SLC5A7: variants seen among roughly 807,000 people sequenced by gnomAD.
SLC5A7 encodes solute carrier family 5 member 7.
SLC5A7 carries 19 observed loss-of-function variants against 55.4 expected under a neutral mutation model. That is an observed-to-expected ratio of 0.34 (90% CI 0.24 to 0.50). SLC5A7 has a LOEUF of 0.50. Among genes scored for constraint, SLC5A7 ranks in the 20% least tolerant of loss-of-function variants. The pLI, the probability that SLC5A7 is intolerant of heterozygous loss-of-function variation, is 0.98. For missense variants in SLC5A7, 506 were observed against 705.3 expected (o/e 0.72, Z 3.20); for synonymous variants, 265 against 263.7 (o/e 1.00, Z -0.05).
chr2:107,989,070 G>A lies in SLC5A7; in HGVS notation c.178+737G>A, dbSNP rs539156167. Among the ~76,000 whole-genome samples, 13 of 152,316 alleles carry A rather than the reference G, an allele frequency of 8.5e-5. No homozygotes were observed. The South Asian group carries it at 2.3e-3, about 27-fold the overall frequency. ...ATATTCTTTCTTACTTTGCACTAAA[G>A]TGGTTCTGTTTAAAGGGTGATTTGT... is the stretch of plus-strand genomic sequence containing the variant. On this transcript the variant is annotated intron_variant, in intron 2 of 8. Coordinates refer to ENST00000264047, the MANE Select transcript of SLC5A7 (RefSeq NM_021815.5).
chr2:108,002,063 G>GA, intron 6 of SLC5A7, 23 bp downstream of exon 6: 1 of 1,591,064 alleles, frequency 6.3e-7, no homozygotes, highest in Non-Finnish European at 8.6e-7. Context: ...CTTACCTGAA[G>GA]AATGTGATTT....
Position 107,993,014 on chromosome 2 carries a change from T to A in SLC5A7, c.335T>A (p.Val112Glu). 6.2e-7 allele frequency: 1 copy of A among 1,614,260 alleles called. No homozygotes were observed. Among genetic ancestry groups the A allele is most frequent in the Non-Finnish European group, 8.5e-7 (1 of 1,180,040 alleles). The change falls in exon 4 of 9, where the codon GTG (valine) becomes GAG (glutamate). Residue 112 changes from valine (V) to glutamate (E), a missense_variant. Val to Glu is a moderately radical substitution (Grantham distance 121). Around this residue, in one of 4 missense-constraint regions of SLC5A7, gnomAD observed 309 missense variants for 478.6 expected, o/e 0.65. Transcript: ENST00000264047. Reference sequence around the variant, plus strand: ...AAACCTATGCGTTCAAAGGGGTATGTGACCATGTTAGACCCGTTTCAGCAA... The same window carrying A: ...AAACCTATGCGTTCAAAGGGGTATGAGACCATGTTAGACCCGTTTCAGCAA... ...FAKPMRSKGY[V>E]TMLDPFQQIY...
chr2:107,993,210 C>T (rs1677524309), intron 4 of SLC5A7, 83 bp downstream of exon 4: 2 of 1,444,642 alleles, frequency 1.4e-6, no homozygotes, highest in Admixed American at 2.1e-5. Flanking sequence ...TCAGCCTTGG[C>T]TTCTGAGGAC....
chr2:107,996,874 G>A (rs1343021529), intron 4 of SLC5A7, among the ~76,000 whole-genome samples: 4 of 152,306 alleles, frequency 2.6e-5, no homozygotes, highest in South Asian at 2.1e-4. Context: ...CTAGGAGCAG[G>A]ACTGGTATGT....
chr2:107,988,189 A>G lies in SLC5A7; in HGVS notation c.34A>G (p.Ile12Val), dbSNP rs764663527. 7 of 1,614,044 alleles carry G rather than the reference A, an allele frequency of 4.3e-6. No individual in the cohort carries two copies. The East Asian group carries it at 8.9e-5, about 21-fold the overall frequency. The change falls in exon 2 of 9, where the codon ATC becomes GTC. Residue 12 changes from isoleucine to valine, a missense_variant. Physicochemically the swap from Ile to Val is conservative, Grantham distance 29. Transcript: ENST00000264047. ...CCATGTGGAAGGACTGATAGCTATC[A>G]TCGTGTTCTACCTTCTAATTTTGCT... The part of the protein sequence containing the change: ...AFHVEGLIAI[I>V]VFYLLILLVG...
chr2:107,995,718 G>T (rs1414878373), intron 4 of SLC5A7, among the ~76,000 whole-genome samples: 1 of 152,072 alleles, frequency 6.6e-6, no homozygotes, highest in Non-Finnish European at 1.5e-5. Context: ...CCACCTTTCT[G>T]TGAATGTGTA....
chr2:107,989,193 A>G (rs775341781), intron 2 of SLC5A7, among the ~76,000 whole-genome samples: 3 of 152,252 alleles, frequency 2.0e-5, no homozygotes, highest in African/African-American at 4.8e-5. Context: ...CTAACAACAC[A>G]TATTTCATTA....
intron 5 of SLC5A7, among the ~76,000 whole-genome samples, chr2:107,998,213 T>C (rs998019561): frequency 6.6e-6 from 1 of 152,202 alleles, no homozygotes; most frequent in African/African-American, 2.4e-5. Flanking sequence ...GTTAGAAAGG[T>C]CTAGGTCTTG....
chr2:108,011,204 G>A lies in SLC5A7; in HGVS notation c.*343G>A. 5.7e-6 allele frequency: 1 copy of A among 174,932 alleles called. No individual in the cohort carries two copies. The highest frequency in any genetic ancestry group is 1.2e-5 in the Non-Finnish European group (1 of 83,688). The allele number at this position is 174,932 out of a possible 1,614,324, so 10.8% of individuals were successfully genotyped here. A position where few individuals can be genotyped will look rare whatever the true frequency, so the allele number is the denominator to read the frequency against. On this transcript the variant is annotated 3_prime_UTR_variant, in exon 9 of 9. Transcript: ENST00000264047. The stretch of plus-strand genomic sequence containing the variant: ...TAGATGTGAAAAAGCCTAAGAAAAA[G>A]GAAATTGGACAGTTTTGATACAAAC...
chr2:107,989,073 G>A (rs1284571442), intron 2 of SLC5A7, among the ~76,000 whole-genome samples: 2 of 152,176 alleles, frequency 1.3e-5, no homozygotes, highest in East Asian at 3.8e-4. Context: ...CACTAAAGTG[G>A]TTCTGTTTAA....
intron 2 of SLC5A7, among the ~76,000 whole-genome samples, chr2:107,990,143 G>C (rs2104336417): frequency 6.6e-6 from 1 of 152,264 alleles, no homozygotes; most frequent in Non-Finnish European, 1.5e-5. Flanking sequence ...TATATTTTAA[G>C]AGGTTGTGTT....
chr2:108,002,187 C>A, intron 6 of SLC5A7, 147 bp downstream of exon 6: 1 of 951,766 alleles, frequency 1.1e-6, no homozygotes, highest in Non-Finnish European at 1.5e-6. Context: ...GAGGGTGGAG[C>A]CAGGGCCGGA....
chr2:107,991,217 T>A (rs960108810), intron 2 of SLC5A7, among the ~76,000 whole-genome samples: 2 of 152,220 alleles, frequency 1.3e-5, no homozygotes, highest in Non-Finnish European at 2.9e-5. Flanking sequence ...TTCTTTGACC[T>A]CCTTGCCTCA....
intron 5 of SLC5A7, among the ~76,000 whole-genome samples, chr2:107,999,902 A>G (rs1011425398): frequency 6.6e-6 from 1 of 152,178 alleles, no homozygotes; most frequent in African/African-American, 2.4e-5. Flanking sequence ...GAAATCACCT[A>G]CCACTTTCCC....
At chr2:107,991,140 G>A (rs1001697720) in intron 2 of SLC5A7, among the ~76,000 whole-genome samples, 2 of 152,118 alleles carry the variant, frequency 1.3e-5, no homozygotes, top group East Asian at 3.8e-4. Context: ...TGTCTATTCA[G>A]AGAAAAATAT....
intron 4 of SLC5A7, 119 bp downstream of exon 4, chr2:107,993,246 C>T: frequency 9.2e-7 from 1 of 1,083,656 alleles, no homozygotes; most frequent in East Asian, 2.5e-5. Context: ...ATATGCTGAA[C>T]CATATTTATA....
intron 1 of SLC5A7, 36 bp from the exon 2 acceptor site, chr2:107,988,069 T>C: frequency 7.1e-7 from 1 of 1,405,020 alleles, no homozygotes; most frequent in Non-Finnish European, 9.9e-7. Context: ...GCATAGTGCT[T>C]GACTGGTTTA....
At chr2:107,986,832 C>G (rs1677259746) in intron 1 of SLC5A7, 69 bp downstream of exon 1, 2 of 152,044 alleles carry the variant, frequency 1.3e-5, no homozygotes, top group Non-Finnish European at 2.9e-5. Context: ...GCACCGAGCC[C>G]GGGCGGTTTT....
chr2:107,994,758 A>G (rs980961350), intron 4 of SLC5A7, among the ~76,000 whole-genome samples: 1 of 152,118 alleles, frequency 6.6e-6, no homozygotes, highest in Admixed American at 6.6e-5. Flanking sequence ...CTTGTTTGCC[A>G]TTGCTTTGAA....
Sources: allele counts gnomAD v4.1 joint callset (sites outside exome capture counted in the v4.1 genomes callset), GRCh38; gene constraint gnomAD v4.1.1; regional missense constraint gnomAD v4.1.1; transcripts MANE v1.5; gene names NCBI Gene and HGNC (gene_info 2026-07-23, HGNC 2026-07-21).